The following TYR variants were observed in gnomAD, a reference collection of about 807,000 sequenced individuals.
TYR encodes the protein LB24-AB.
Under a neutral mutation model 51.5 loss-of-function variants are expected in TYR, and 58 were observed. The ratio of observed to expected loss-of-function variants is 1.13; its 90% CI spans 0.91 to 1.40. The LOEUF (loss-of-function observed/expected upper bound fraction) is 1.40, where lower values mean the gene tolerates loss of function less well. TYR is among the 40% of genes most tolerant of loss of function. The pLI, the probability that TYR is intolerant of heterozygous loss-of-function variation, is 0.00. For missense variants in TYR, 732 were observed against 647.4 expected, an observed-to-expected ratio of 1.13 and a Z score of -1.42; for synonymous variants, 263 against 235.2, an observed-to-expected ratio of 1.12 and a Z score of -1.08.
rs563641981 is a variant in TYR at position 89,232,028 on chromosome 11, G to A, written c.1184+4058G>A. ...TAAATTAAGAGATCTGTTGTACAGC[G>A]TGATGACTAAAGTTAATGACAATAT... is the stretch of plus-strand genomic sequence containing the variant. On this transcript the variant is annotated intron_variant, in intron 3 of 4. Coordinates refer to ENST00000263321, the MANE Select transcript of TYR (RefSeq NM_000372.5). Among the ~76,000 whole-genome samples, 9 of 141,248 alleles carry A rather than the reference G, an allele frequency of 6.4e-5. No homozygotes were observed. In the East Asian group the frequency reaches 1.4e-3, roughly 22 times the overall value. The allele number at this position is 141,248 out of a possible 152,430, so 92.7% of individuals were successfully genotyped here.
rs1457179355 is a variant in TYR at position 89,265,441 on chromosome 11, A to AT, written c.1185-19327dup. ...GTCTTCATAGCTCCTATTACCCTTG[A>AT]TTTTTCTTAACTGGGCCTTTCTCAT... On this transcript the variant is annotated intron_variant, in intron 3 of 4. Coordinates refer to ENST00000263321, the MANE Select transcript of TYR (RefSeq NM_000372.5). Among the ~76,000 whole-genome samples the AT allele has an allele frequency of 3.3e-5, 5 of 152,100 alleles. No individual in the cohort carries two copies. In the East Asian group the frequency reaches 9.7e-4, roughly 30 times the overall value.
intron 3 of TYR, among the ~76,000 whole-genome samples, chr11:89,234,478 G>A (rs751980697): frequency 2.8e-5 from 4 of 143,432 alleles, no homozygotes; most frequent in Admixed American, 6.9e-5. Context: ...TGCACAAGAG[G>A]CCTAGCTTTC....
At chr11:89,216,308 C>A (rs892896724) in intron 2 of TYR, among the ~76,000 whole-genome samples, 2 of 152,030 alleles carry the variant, frequency 1.3e-5, no homozygotes, top group African/African-American at 4.8e-5. Flanking sequence ...TCAGATTATT[C>A]CTTCTGAGGT....
intron 2 of TYR, among the ~76,000 whole-genome samples, chr11:89,195,594 G>T (rs998569506): frequency 6.6e-6 from 1 of 152,044 alleles, no homozygotes; most frequent in South Asian, 2.1e-4. Context: ...CAGGAGAATC[G>T]CTTGAACCCA....
rs774288576 is a variant in TYR, at chr11:89,191,256, A to G, written c.874A>G (p.Thr292Ala). 1.9e-6 allele frequency: 3 copies of G among 1,613,470 alleles called. No individual in the cohort carries two copies. In the South Asian group the frequency reaches 3.3e-5, roughly 18 times the overall value. ...CAGCCATCAGTCTTTATGCAATGGA[A>G]CGCCCGAGGGACCTTTACGGCGTAA... ...YNSHQSLCNG[T>A]PEGPLRRNPG... Residue 292 changes from threonine (T) to alanine (A), a missense_variant, in exon 2 of 5, where the codon ACG becomes GCG. Transcript: ENST00000263321.
chr11:89,204,744 T>C lies in TYR; in HGVS notation c.1036+13326T>C, dbSNP rs535128715. On this transcript the variant is annotated intron_variant, in intron 2 of 4. Coordinates refer to ENST00000263321, the MANE Select transcript of TYR (RefSeq NM_000372.5). ...ACAGAAGATTTAATAAGATCTGTAG[T>C]CTCATAAAATACCCAAAATGTCCAG... Among the ~76,000 whole-genome samples, 5 of 151,334 alleles carry C rather than the reference T, an allele frequency of 3.3e-5. No homozygotes were observed. The South Asian group carries it at 1.0e-3, about 32-fold the overall frequency.
Position 89,179,420 on chromosome 11 carries a change from T to C in TYR, c.819+648T>C, listed in dbSNP as rs575948613. ...GAAGATGGCTAATATTCATTGAACA[T>C]CTAGCATGTGCAAACCCCGTGGCAA... On this transcript the variant is annotated intron_variant, in intron 1 of 4. Coordinates refer to ENST00000263321, the MANE Select transcript of TYR (RefSeq NM_000372.5). Among the ~76,000 whole-genome samples, 8 of 152,334 alleles carry C rather than the reference T, an allele frequency of 5.3e-5. No individual in the cohort carries two copies. In the South Asian group the frequency reaches 1.7e-3, roughly 32 times the overall value.
At chr11:89,210,127 T>C (rs901923196) in intron 2 of TYR, among the ~76,000 whole-genome samples, 1 of 152,100 alleles carries the variant, frequency 6.6e-6, no homozygotes, top group African/African-American at 2.4e-5. Context: ...GTTTGACAAG[T>C]TGACTGAAGT....
At chr11:89,288,483 G>C (rs1258870186) in intron 4 of TYR, among the ~76,000 whole-genome samples, 1 of 151,918 alleles carries the variant, frequency 6.6e-6, no homozygotes, top group Non-Finnish European at 1.5e-5. Flanking sequence ...AAATTTCCTG[G>C]ATGAGCCAGG....
chr11:89,246,171 C>A (rs1676518558), intron 3 of TYR, among the ~76,000 whole-genome samples: 2 of 137,476 alleles, frequency 1.5e-5, no homozygotes, highest in African/African-American at 5.6e-5. Flanking sequence ...CTAAAACTCA[C>A]AGTCTAGATA....
rs1944897663 is a variant in TYR at position 89,295,399 on chromosome 11, C to G, written c.*33C>G. ...AGGCAATAGAGTAGGGCCAAAAAGC[C>G]TGACCTCACTCTAACTCAAAGTAAT... On this transcript the variant is annotated 3_prime_UTR_variant, in exon 5 of 5. Coordinates refer to ENST00000263321, the MANE Select transcript of TYR (RefSeq NM_000372.5). The G allele has an allele frequency of 3.9e-6, 6 of 1,531,452 alleles. No individual in the cohort carries two copies. Among genetic ancestry groups the G allele is most frequent in the Non-Finnish European group, 5.4e-6 (6 of 1,115,930 alleles). The allele number at this position is 1,531,452 out of a possible 1,614,324, so 94.9% of individuals were successfully genotyped here.
At position 89,190,073 on chromosome 11, in the gene TYR, G is replaced by C. The variant is rs182950300; in HGVS notation, c.820-1129G>C. 3.3e-3 allele frequency among the ~76,000 whole-genome samples: 499 copies of C among 152,126 alleles called. 1 individual carries two copies. Among genetic ancestry groups the C allele is most frequent in the African/African-American group, 6.6e-3 (273 of 41,524 alleles). ...CACTTGTATAAAAGTCTAGCACATA[G>C]CATTATGTACACTACATAATACTTG... On this transcript the variant is annotated intron_variant, in intron 1 of 4. Transcript: ENST00000263321.
At chr11:89,189,536 ATAGAT>A (rs1470715697) in intron 1 of TYR, among the ~76,000 whole-genome samples, 1 of 151,926 alleles carries the variant, frequency 6.6e-6, no homozygotes, top group Non-Finnish European at 1.5e-5. Context: ...TGAATATAAT[ATAGAT>A]TAATGTTTTT....
intron 3 of TYR, among the ~76,000 whole-genome samples, chr11:89,277,509 C>T (rs563327908): frequency 1.2e-4 from 18 of 151,720 alleles, no homozygotes; most frequent in Non-Finnish European, 2.2e-4. Context: ...GCTGACTTCT[C>T]AATTTGTGTT....
chr11:89,260,503 A>C (rs1361653851), intron 3 of TYR, among the ~76,000 whole-genome samples: 1 of 152,124 alleles, frequency 6.6e-6, no homozygotes, highest in Non-Finnish European at 1.5e-5. Context: ...ATTTCCCAAT[A>C]AATGAAAAAC....
At chr11:89,214,336 C>T (rs1943804114) in intron 2 of TYR, among the ~76,000 whole-genome samples, 1 of 152,176 alleles carries the variant, frequency 6.6e-6, no homozygotes, top group Non-Finnish European at 1.5e-5. Flanking sequence ...AATGCCATAC[C>T]ATCTCATGCC....
chr11:89,202,470 T>C (rs1176200754), intron 2 of TYR, among the ~76,000 whole-genome samples: 1 of 152,166 alleles, frequency 6.6e-6, no homozygotes, highest in African/African-American at 2.4e-5. Flanking sequence ...CGTGATCTAA[T>C]TGGCTATTAC....
chr11:89,195,912 T>C (rs1203984822), intron 2 of TYR, among the ~76,000 whole-genome samples: 1 of 152,134 alleles, frequency 6.6e-6, no homozygotes, highest in East Asian at 1.9e-4. Flanking sequence ...ATTTTTTTAA[T>C]AGCACTGTTG....
At chr11:89,201,920 C>T (rs12285584) in intron 2 of TYR, among the ~76,000 whole-genome samples, 36,601 of 151,884 alleles carry the variant, frequency 0.24, 6,008 homozygotes, top group Middle Eastern at 0.4. Flanking sequence ...GATGAAATGT[C>T]AAAGAATGTT....
Sources: allele counts gnomAD v4.1 joint callset (sites outside exome capture counted in the v4.1 genomes callset), GRCh38; gene constraint gnomAD v4.1.1; transcripts MANE v1.5; gene names NCBI Gene and HGNC (gene_info 2026-07-23, HGNC 2026-07-21).